MFN2: variants seen among roughly 807,000 people sequenced by gnomAD.
The protein encoded by MFN2 is mitofusin-2.
A neutral mutation model predicts 87.5 loss-of-function variants in MFN2; 43 were observed. The observed-to-expected ratio is 0.49, with a 90% CI of 0.38 to 0.63. The LOEUF is 0.63. Among genes scored for constraint, MFN2 ranks in the 30% least tolerant of loss-of-function variants. The probability of loss-of-function intolerance (pLI) is 0.00; values close to 1 mark genes in which losing one functional copy is unlikely to be tolerated. For missense variants in MFN2, 743 were observed against 972.8 expected (o/e 0.76, Z 3.14); for synonymous variants, 337 against 359.9 (o/e 0.94, Z 0.72).
chr1:11,989,475 C>T, intron 3 of MFN2, 132 bp downstream of exon 3: 1 of 1,046,344 alleles, frequency 9.6e-7, no homozygotes, highest in East Asian at 2.5e-5. Flanking sequence ...ATGCTCTGCT[C>T]TTGAAATCAT....
chr1:11,995,000 G>A (rs779542948), intron 4 of MFN2, among the ~76,000 whole-genome samples: 40 of 152,158 alleles, frequency 2.6e-4, no homozygotes, highest in Non-Finnish European at 5.0e-4. Flanking sequence ...TCTCAGCACT[G>A]GGAGGCTGAG....
intron 8 of MFN2, 109 bp from the exon 9 acceptor site, chr1:12,001,292 C>T (rs144591792): frequency 1.7e-5 from 24 of 1,454,534 alleles, no homozygotes; most frequent in African/African-American, 4.2e-5. Context: ...GGATTACAGG[C>T]GTCAGCCACC....
chr1:11,995,062 CA>C (rs1638850782), intron 4 of MFN2, among the ~76,000 whole-genome samples: 2 of 151,696 alleles, frequency 1.3e-5, no homozygotes, highest in South Asian at 4.1e-4. Context: ...AGCAACATGG[CA>C]AGACCCCATC....
At chr1:11,981,752 GGCGGAATACGTGT>G (rs1645988597) in intron 1 of MFN2, 1 of 152,306 alleles carries the variant, frequency 6.6e-6, no homozygotes, top group African/African-American at 2.4e-5. Flanking sequence ...ACCCGCACAT[GGCGGAATACGTGT>G]GCACAGTCAG....
chr1:11,980,864 C>T (rs1261494056), intron 1 of MFN2, among the ~76,000 whole-genome samples: 2 of 152,252 alleles, frequency 1.3e-5, no homozygotes, highest in East Asian at 3.9e-4. Flanking sequence ...TGGGCAGTTA[C>T]TGCCTTCTCG....
chr1:11,992,526 G>T (rs1277274977), intron 3 of MFN2, 29 bp from the exon 4 acceptor site: 1 of 1,614,026 alleles, frequency 6.2e-7, no homozygotes, highest in South Asian at 1.1e-5. Flanking sequence ...CTGACCACGT[G>T]GTGACCCATT....
intron 17 of MFN2, among the ~76,000 whole-genome samples, chr1:12,008,899 G>A (rs1159894956): frequency 6.6e-6 from 1 of 152,238 alleles, no homozygotes; most frequent in Admixed American, 6.5e-5. Context: ...TCATGCCACT[G>A]CCTGGGCAAC....
chr1:11,987,960 T>C (rs1638494266), intron 2 of MFN2, among the ~76,000 whole-genome samples: 1 of 152,014 alleles, frequency 6.6e-6, no homozygotes, highest in East Asian at 1.9e-4. Flanking sequence ...AAATAAAAAA[T>C]AAATAAGTAA....
At chr1:11,998,623 G>A (rs143378909) in intron 6 of MFN2, 147 bp from the exon 7 acceptor site, 51 of 778,022 alleles carry the variant, frequency 6.6e-5, no homozygotes, top group African/African-American at 5.4e-4. Flanking sequence ...AGTAAAATCC[G>A]TTAATGAGGG....
At chr1:12,001,657 G>A in intron 9 of MFN2, 103 bp downstream of exon 9, 1 of 1,595,124 alleles carries the variant, frequency 6.3e-7, no homozygotes, top group Non-Finnish European at 8.6e-7. Flanking sequence ...AGGGGATGCT[G>A]AGAAGAGCAG....
At chr1:11,990,149 A>AG (rs1360789898) in intron 3 of MFN2, among the ~76,000 whole-genome samples, 1 of 152,264 alleles carries the variant, frequency 6.6e-6, no homozygotes, top group African/African-American at 2.4e-5. Context: ...CCCCTGGCTC[A>AG]GGGGGGCCAC....
chr1:12,010,391 G>T (rs1484834533), intron 18 of MFN2, among the ~76,000 whole-genome samples: 1 of 152,206 alleles, frequency 6.6e-6, no homozygotes, highest in African/African-American at 2.4e-5. Context: ...ACATAGAAAT[G>T]TTGGGGAACT....
chr1:11,989,234 T>C lies in MFN2; in HGVS notation c.66T>C (p.Ala22=), dbSNP rs746838667. 1.2e-6 allele frequency: 2 copies of C among 1,614,096 alleles called. No homozygotes were observed. The highest frequency in any genetic ancestry group is 8.5e-7 in the Non-Finnish European group (1 of 1,180,010). The change falls in exon 3 of 19, where the codon GCT becomes GCC. Residue 22 remains alanine (A), a synonymous_variant. Transcript: ENST00000235329. ...VTVKKNKRHM[A]EVNASPLKHF... Reference sequence around the variant, plus strand: ...TCAAGAAAAATAAGAGACACATGGCTGAGGTGAATGCATCCCCACTTAAGC... The same window carrying C: ...TCAAGAAAAATAAGAGACACATGGCCGAGGTGAATGCATCCCCACTTAAGC...
At chr1:12,006,249 T>C (rs955964145) in intron 15 of MFN2, among the ~76,000 whole-genome samples, 1 of 152,204 alleles carries the variant, frequency 6.6e-6, no homozygotes, top group Non-Finnish European at 1.5e-5. Context: ...TTAAAAACAT[T>C]CATCTCTAAA....
intron 18 of MFN2, 37 bp downstream of exon 18, chr1:12,009,763 A>G: frequency 1.2e-6 from 2 of 1,613,800 alleles, no homozygotes; most frequent in Admixed American, 1.7e-5. Context: ...TTAGGGCTCC[A>G]GGGTGCAGCC....
intron 15 of MFN2, 41 bp downstream of exon 15, chr1:12,005,972 A>T (rs1557532437): frequency 1.3e-6 from 2 of 1,583,298 alleles, no homozygotes; most frequent in Non-Finnish European, 8.7e-7. Context: ...GTGGGGGGTC[A>T]GTCTGTACCC....
chr1:11,997,879 CTT>C (rs768355266), intron 6 of MFN2, among the ~76,000 whole-genome samples: 4 of 95,836 alleles, frequency 4.2e-5, no homozygotes, highest in African/African-American at 1.3e-4. Flanking sequence ...TGTATATCAT[CTT>C]TTTTTTTTTT....
At chr1:12,011,452 C>A (rs887688361) in intron 18 of MFN2, 44 bp from the exon 19 acceptor site, 5 of 1,605,680 alleles carry the variant, frequency 3.1e-6, no homozygotes, top group Non-Finnish European at 3.4e-6. Context: ...CTAATACTGC[C>A]TATCATCAGC....
intron 3 of MFN2, among the ~76,000 whole-genome samples, chr1:11,991,546 T>G (rs974153533): frequency 6.6e-6 from 1 of 151,948 alleles, no homozygotes; most frequent in African/African-American, 2.4e-5. Context: ...CCGAGGAAGC[T>G]GGTGAGTTTG....
Sources: gnomAD v4.1 joint callset for allele counts (sites outside exome capture counted in the v4.1 genomes callset) on GRCh38, gnomAD v4.1.1 for gene constraint, MANE v1.5 for transcripts, NCBI Gene and HGNC (gene_info 2026-07-23, HGNC 2026-07-21) for gene names.